SNAP25: variants seen among roughly 807,000 people sequenced by gnomAD.
SNAP25 encodes synaptosome associated protein 25.
A neutral mutation model predicts 28.7 loss-of-function variants in SNAP25; 3 were observed. The observed-to-expected ratio is 0.10, with a 90% CI of 0.05 to 0.27. The LOEUF is 0.27. Among genes scored for constraint, SNAP25 ranks in the 10% least tolerant of loss-of-function variants. The probability of loss-of-function intolerance (pLI) is 1.00; values close to 1 mark genes in which losing one functional copy is unlikely to be tolerated. For missense variants in SNAP25, 117 were observed against 278.7 expected (o/e 0.42, Z 4.13); for synonymous variants, 61 against 88.1 (o/e 0.69, Z 1.72).
At chr20:10,268,658 C>T (rs2063544976) in intron 1 of SNAP25, among the ~76,000 whole-genome samples, 1 of 152,120 alleles carries the variant, frequency 6.6e-6, no homozygotes, top group South Asian at 2.1e-4. Context: ...GCATTTTTAC[C>T]CTAAGGCACC....
At chr20:10,237,476 G>C (rs2062944404) in intron 1 of SNAP25, among the ~76,000 whole-genome samples, 1 of 152,156 alleles carries the variant, frequency 6.6e-6, no homozygotes, top group Non-Finnish European at 1.5e-5. Flanking sequence ...AAGGGTATAT[G>C]GTGGGCACCA....
chr20:10,290,234 C>A (rs1023208542), intron 4 of SNAP25, among the ~76,000 whole-genome samples: 7 of 152,134 alleles, frequency 4.6e-5, no homozygotes, highest in Non-Finnish European at 1.0e-4. Flanking sequence ...TCAGTACACT[C>A]TAAAAATTAA....
At chr20:10,295,925 C>T (rs1255387952) in intron 5 of SNAP25, among the ~76,000 whole-genome samples, 1 of 152,190 alleles carries the variant, frequency 6.6e-6, no homozygotes, top group Non-Finnish European at 1.5e-5. Context: ...CATTAAACCA[C>T]TCTCCTCCAT....
At chr20:10,288,800 T>C (rs2063935134) in intron 4 of SNAP25, among the ~76,000 whole-genome samples, 1 of 151,598 alleles carries the variant, frequency 6.6e-6, no homozygotes, top group Non-Finnish European at 1.5e-5. Context: ...ATTTCATTTA[T>C]AGTATAATAG....
intron 7 of SNAP25, among the ~76,000 whole-genome samples, 153 bp from the exon 8 acceptor site, chr20:10,305,976 G>A (rs187847221): frequency 1.1e-4 from 16 of 151,990 alleles, no homozygotes; most frequent in South Asian, 2.1e-4. Context: ...AGCCATAGCC[G>A]TCATTCTGGG....
chr20:10,239,571 A>G (rs970005187), intron 1 of SNAP25, among the ~76,000 whole-genome samples: 2 of 152,228 alleles, frequency 1.3e-5, no homozygotes, highest in African/African-American at 2.4e-5. Context: ...CAAATTTCAC[A>G]TGCTCCCATG....
intron 1 of SNAP25, among the ~76,000 whole-genome samples, chr20:10,259,943 C>T (rs755760331): frequency 6.6e-5 from 10 of 152,228 alleles, no homozygotes; most frequent in Non-Finnish European, 8.8e-5. Context: ...AGAATTTGCA[C>T]ATCACCTGAT....
chr20:10,232,069 T>C (rs1412982062), intron 1 of SNAP25, among the ~76,000 whole-genome samples: 1 of 152,180 alleles, frequency 6.6e-6, no homozygotes, highest in African/African-American at 2.4e-5. Flanking sequence ...AACAACTCAA[T>C]CCCAGTGTGC....
At chr20:10,234,070 A>G (rs1447141399) in intron 1 of SNAP25, among the ~76,000 whole-genome samples, 1 of 152,204 alleles carries the variant, frequency 6.6e-6, no homozygotes, top group Non-Finnish European at 1.5e-5. Context: ...CATGTCCTAC[A>G]TAGATAGACT....
At chr20:10,239,705 T>C (rs2062990492) in intron 1 of SNAP25, among the ~76,000 whole-genome samples, 1 of 152,198 alleles carries the variant, frequency 6.6e-6, no homozygotes, top group African/African-American at 2.4e-5. Context: ...ACAAGGAATA[T>C]GCCCAGAATA....
chr20:10,297,162 A>G, intron 6 of SNAP25, 112 bp downstream of exon 6: 1 of 1,290,752 alleles, frequency 7.7e-7, no homozygotes, highest in Non-Finnish European at 1.0e-6. Flanking sequence ...TAATCTACAT[A>G]CCTGCTAAGT....
intron 1 of SNAP25, among the ~76,000 whole-genome samples, chr20:10,269,747 T>G (rs540920504): frequency 2.0e-5 from 3 of 152,394 alleles, no homozygotes; most frequent in Admixed American, 1.3e-4. Flanking sequence ...TGTGCTCCAG[T>G]AAAACTTTAT....
chr20:10,275,506 A>G lies in SNAP25; in HGVS notation c.15A>G (p.Ala5=). The G allele has an allele frequency of 6.2e-7, 1 of 1,605,784 alleles. No individual in the cohort carries two copies. Among genetic ancestry groups the G allele is most frequent in the South Asian group, 1.1e-5 (1 of 89,008 alleles). The change falls in exon 2 of 8, where the codon GCA becomes GCG. Residue 5 remains alanine, a synonymous_variant. Transcript: ENST00000254976. ...CCACCGCTACCATGGCCGAAGACGC[A>G]GACATGCGCAATGAGCTGGAGGAGA... MAED[A]DMRNELEEMQ... is the part of the protein sequence containing the mutation.
chr20:10,289,143 G>A (rs1472991497), intron 4 of SNAP25, among the ~76,000 whole-genome samples: 1 of 152,118 alleles, frequency 6.6e-6, no homozygotes, highest in East Asian at 1.9e-4. Context: ...GATTGCACTA[G>A]GAAATTTCCT....
chr20:10,238,868 G>A (rs1391631067), intron 1 of SNAP25, among the ~76,000 whole-genome samples: 1 of 149,530 alleles, frequency 6.7e-6, no homozygotes, highest in African/African-American at 2.6e-5. Context: ...TCATAGCACT[G>A]CACTCCAGCC....
intron 7 of SNAP25, 65 bp from the exon 8 acceptor site, chr20:10,306,064 A>G: frequency 6.6e-7 from 1 of 1,518,228 alleles, no homozygotes; most frequent in Non-Finnish European, 9.1e-7. Context: ...TTGGACCCGG[A>G]CCCAGAAGGG....
intron 5 of SNAP25, among the ~76,000 whole-genome samples, chr20:10,295,698 T>C (rs976071484): frequency 1.4e-5 from 2 of 145,758 alleles, no homozygotes; most frequent in Admixed American, 6.9e-5. Flanking sequence ...CAAAAAAAAA[T>C]GTGAAAATGG....
chr20:10,271,577 C>T (rs1038359117), intron 1 of SNAP25, among the ~76,000 whole-genome samples: 1 of 152,218 alleles, frequency 6.6e-6, no homozygotes, highest in African/African-American at 2.4e-5. Context: ...TCTCCGCCAT[C>T]GCACCAGCTG....
intron 1 of SNAP25, among the ~76,000 whole-genome samples, chr20:10,233,403 C>T (rs2062859984): frequency 6.6e-6 from 1 of 152,140 alleles, no homozygotes; most frequent in Non-Finnish European, 1.5e-5. Flanking sequence ...GATTCCTTGA[C>T]CCAGCCAACC....
Sources: gnomAD v4.1 joint callset for allele counts (sites outside exome capture counted in the v4.1 genomes callset) on GRCh38, gnomAD v4.1.1 for gene constraint, MANE v1.5 for transcripts, NCBI Gene and HGNC (gene_info 2026-07-23, HGNC 2026-07-21) for gene names.